Variants in MGA observed in about 807,000 individuals in gnomAD.
MGA encodes MAX gene-associated protein.
A neutral mutation model predicts 261.1 loss-of-function variants in MGA; 40 were observed. That is an observed-to-expected ratio of 0.15 (90% CI 0.12 to 0.20). The LOEUF is 0.20. MGA is among the 10% of genes least tolerant of loss of function. MGA has a pLI of 1.00. For missense variants in MGA, 3,397 were observed against 3,630.5 expected (o/e 0.94, Z 1.65); for synonymous variants, 1,302 against 1,290.6 (o/e 1.01, Z -0.19).
intron 2 of MGA, among the ~76,000 whole-genome samples, chr15:41,691,311 A>G (rs1006534973): frequency 6.6e-6 from 1 of 152,186 alleles, no homozygotes; most frequent in East Asian, 1.9e-4. Flanking sequence ...GTAAAATGGA[A>G]TTACTTCCTC....
intron 2 of MGA, chr15:41,684,647 A>G (rs1487721326): frequency 2.5e-5 from 5 of 200,268 alleles, no homozygotes; most frequent in East Asian, 1.3e-4. Flanking sequence ...GAACAAATGC[A>G]TGTTGTGTGC....
intron 9 of MGA, among the ~76,000 whole-genome samples, chr15:41,714,588 C>T (rs2060535037): frequency 6.6e-6 from 1 of 152,182 alleles, no homozygotes; most frequent in African/African-American, 2.4e-5. Flanking sequence ...ACTGCAACCT[C>T]CACCTCCTGG....
At chr15:41,685,300 C>T (rs902577110) in intron 2 of MGA, among the ~76,000 whole-genome samples, 3 of 152,122 alleles carry the variant, frequency 2.0e-5, no homozygotes, top group African/African-American at 7.2e-5. Context: ...ATACTAAATT[C>T]TGTTTCATTG....
At position 41,697,140 on chromosome 15, in the gene MGA, A is replaced by AT. The variant is rs1023749125; in HGVS notation, c.2013+118dup. 9.1e-6 allele frequency: 8 copies of AT among 879,270 alleles called. No homozygotes were observed. The African/African-American group carries it at 1.2e-4, about 13-fold the overall frequency. The allele number at this position is 879,270 out of a possible 1,614,324, so 54.5% of individuals were successfully genotyped here. A position where few individuals can be genotyped will look rare whatever the true frequency, so the allele number is the denominator to read the frequency against. On this transcript the variant is annotated intron_variant, in intron 3 of 23. Coordinates refer to ENST00000219905, the MANE Select transcript of MGA (RefSeq NM_001164273.2). ...TTGTGATATCTATTTGTGAGGGTGT[A>AT]TGGGGGGTGGAGTTGGGAGGGAAGT...
At chr15:41,725,422 C>A (rs2061171722) in intron 9 of MGA, among the ~76,000 whole-genome samples, 1 of 152,120 alleles carries the variant, frequency 6.6e-6, no homozygotes, top group African/African-American at 2.4e-5. Flanking sequence ...TGGCATGTAC[C>A]TGTAGACCTA....
Position 41,696,230 on chromosome 15 carries a change from C to T in MGA, c.1220C>T (p.Thr407Ile). 6.2e-7 allele frequency: 1 copy of T among 1,613,900 alleles called. No individual in the cohort carries two copies. The highest frequency in any genetic ancestry group is 8.5e-7 in the Non-Finnish European group (1 of 1,179,854). The change falls in exon 3 of 24, where the codon ACA (threonine) becomes ATA (isoleucine). Residue 407 changes from threonine (T) to isoleucine (I), a missense_variant. Transcript: ENST00000219905. ...GGGGTCACTGTGAAACAGGAAGAGA[C>T]AGATGAAGAGACGGATGTATACTCA... is the stretch of plus-strand genomic sequence containing the variant.
intron 2 of MGA, among the ~76,000 whole-genome samples, chr15:41,677,847 A>G (rs991941719): frequency 2.0e-5 from 3 of 152,044 alleles, no homozygotes; most frequent in Non-Finnish European, 4.4e-5. Context: ...TAGATAAATG[A>G]TTTGCAAATC....
At chr15:41,685,936 C>T (rs1034122161) in intron 2 of MGA, among the ~76,000 whole-genome samples, 4 of 149,832 alleles carry the variant, frequency 2.7e-5, no homozygotes, top group Non-Finnish European at 5.9e-5. Context: ...ACCCGGGAGG[C>T]GGAGCTTGCA....
At chr15:41,628,193 A>G (rs1335715099) in intron 1 of MGA, among the ~76,000 whole-genome samples, 1 of 151,990 alleles carries the variant, frequency 6.6e-6, no homozygotes, top group Non-Finnish European at 1.5e-5. Context: ...CAACATGGTG[A>G]AACCCTGTCT....
In MGA at chr15:41,756,802, C is replaced by T. The variant is rs532474014; in HGVS notation, c.7140-986C>T. Among the ~76,000 whole-genome samples the T allele has an allele frequency of 1.1e-4, 16 of 152,200 alleles. No individual in the cohort carries two copies. The South Asian group carries it at 3.3e-3, about 32-fold the overall frequency. The stretch of plus-strand genomic sequence containing the variant: ...AGAGACGGAGTCTTGCTATGTTGGC[C>T]AGGCTAATTTTGAACTCCTGGCCTC... On this transcript the variant is annotated intron_variant, in intron 18 of 23. Transcript: ENST00000219905.
intron 1 of MGA, among the ~76,000 whole-genome samples, chr15:41,650,563 G>A (rs555432986): frequency 1.1e-4 from 17 of 152,008 alleles, no homozygotes; most frequent in African/African-American, 3.6e-4. Flanking sequence ...TCAGCCTCCC[G>A]AGTAAATGGA....
At position 41,646,668 on chromosome 15, in the gene MGA, C is replaced by G. The variant is rs575265046; in HGVS notation, c.-67-22160C>G. ...GAGGTTGCAGTGAGCCAAGATCATGCCGCTGTACTCCAGCCTGGGCAACAG... is the reference window on the plus strand; with the variant it reads ...GAGGTTGCAGTGAGCCAAGATCATGGCGCTGTACTCCAGCCTGGGCAACAG... On this transcript the variant is annotated intron_variant, in intron 1 of 8. Coordinates refer to the MGA transcript ENST00000566718. Among the ~76,000 whole-genome samples the G allele has an allele frequency of 5.3e-5, 8 of 151,928 alleles. No homozygotes were observed. In the South Asian group the frequency reaches 1.7e-3, roughly 32 times the overall value.
chr15:41,750,914 A>G lies in MGA; in HGVS notation c.7008+299A>G, dbSNP rs546615397. ...TTAAAATCCCGAAACCACTACTCCC[A>G]TTTGACCTCAGTCAATTTCTATGAC... On this transcript the variant is annotated intron_variant, in intron 17 of 23. Transcript: ENST00000219905. 122 of 226,044 alleles carry G rather than the reference A, an allele frequency of 5.4e-4. 1 individual carries two copies. The South Asian group carries it at 0.012, about 21-fold the overall frequency. 14.0% of individuals were successfully genotyped at this position (226,044 alleles called of 1,614,324 possible). A position where few individuals can be genotyped will look rare whatever the true frequency, so the allele number is the denominator to read the frequency against.
chr15:41,662,092 G>C (rs921684734), intron 1 of MGA, among the ~76,000 whole-genome samples: 1 of 152,118 alleles, frequency 6.6e-6, no homozygotes, highest in Non-Finnish European at 1.5e-5. Flanking sequence ...ACTTTCCTGC[G>C]TATCGGAACA....
In MGA at chr15:41,729,367, T is replaced by G; in HGVS notation, c.3843+18T>G. ...ATGCAAAGGTGAGTTTCTTGTTGCA[T>G]AAGTTCTTTTTAACTTCTGATTACC... On this transcript the variant is annotated intron_variant, in intron 11 of 23. Coordinates refer to ENST00000219905, the MANE Select transcript of MGA (RefSeq NM_001164273.2). The G allele has an allele frequency of 1.3e-6, 2 of 1,592,760 alleles. No homozygotes were observed. The highest frequency in any genetic ancestry group is 1.7e-6 in the Non-Finnish European group (2 of 1,170,136).
At chr15:41,672,689 T>C (rs2058126303) in intron 2 of MGA, among the ~76,000 whole-genome samples, 3 of 152,188 alleles carry the variant, frequency 2.0e-5, no homozygotes, top group African/African-American at 7.2e-5. Context: ...GCAGAAATTA[T>C]TTTTAGGCAG....
At chr15:41,708,474 C>A (rs930830145) in intron 7 of MGA, among the ~76,000 whole-genome samples, 2 of 152,124 alleles carry the variant, frequency 1.3e-5, no homozygotes, top group Admixed American at 6.5e-5. Flanking sequence ...TGTGCCACCA[C>A]GGCTGGCTAA....
In MGA at chr15:41,713,869, GT is replaced by G. The variant is rs139846091; in HGVS notation, c.3430+377del. 8.5e-3 allele frequency among the ~76,000 whole-genome samples: 1,295 copies of G among 152,244 alleles called. 15 individuals carry two copies. Among genetic ancestry groups the G allele is most frequent in the African/African-American group, 0.03 (1,244 of 41,534 alleles). On this transcript the variant is annotated intron_variant, in intron 9 of 23. Coordinates refer to ENST00000219905, the MANE Select transcript of MGA (RefSeq NM_001164273.2). The stretch of plus-strand genomic sequence containing the variant: ...ATAGATGATCCATATAATGCATCAT[GT>G]TTTCTAAAAGGAGAAGTTTGCAAAA...
intron 5 of MGA, among the ~76,000 whole-genome samples, chr15:41,704,436 G>A (rs2060005760): frequency 6.6e-6 from 1 of 152,218 alleles, no homozygotes; most frequent in South Asian, 2.1e-4. Flanking sequence ...AAGGCGGGTG[G>A]ATCACAAGGT....
Sources: allele counts gnomAD v4.1 joint callset (sites outside exome capture counted in the v4.1 genomes callset), GRCh38; gene constraint gnomAD v4.1.1; transcripts MANE v1.5; gene names NCBI Gene and HGNC (gene_info 2026-07-23, HGNC 2026-07-21).